The following DIDO1 variants were observed in gnomAD, a reference collection of about 807,000 sequenced individuals.
The protein encoded by DIDO1 is death inducer-obliterator 1, also known as death-inducer obliterator 1.
DIDO1 carries 16 observed loss-of-function variants against 99.4 expected under a neutral mutation model. The observed-to-expected ratio is 0.16, with a 90% CI of 0.11 to 0.24. DIDO1 has a LOEUF of 0.24. Among genes scored for constraint, DIDO1 ranks in the 10% least tolerant of loss-of-function variants. The probability of loss-of-function intolerance (pLI) is 1.00; values close to 1 mark genes in which losing one functional copy is unlikely to be tolerated. For synonymous variants in DIDO1, 1,366 were observed against 1,239.1 expected, an observed-to-expected ratio of 1.10 and a Z score of -2.15; for missense variants, 2,996 against 3,014.0, an observed-to-expected ratio of 0.99 and a Z score of 0.14.
chr20:62,905,780 A>G, intron 6 of DIDO1, 107 bp downstream of exon 6: 1 of 1,611,108 alleles, frequency 6.2e-7, no homozygotes, highest in Non-Finnish European at 8.5e-7. Flanking sequence ...GGTGTCTGTG[A>G]TCAGCTTAAC....
chr20:62,890,721 T>C, intron 15 of DIDO1: 1 of 1,373,386 alleles, frequency 7.3e-7, no homozygotes, highest in Non-Finnish European at 9.4e-7. Context: ...TTGCAGGCTG[T>C]GGGTTTTTCC....
intron 6 of DIDO1, among the ~76,000 whole-genome samples, chr20:62,904,046 T>A (rs1030976921): frequency 6.6e-6 from 1 of 152,204 alleles, no homozygotes; most frequent in African/African-American, 2.4e-5. Flanking sequence ...CAACTCCACA[T>A]GTGGAGTCTC....
At chr20:62,887,544 CTG>C in intron 15 of DIDO1, 1 of 985,464 alleles carries the variant, frequency 1.0e-6, no homozygotes, top group Non-Finnish European at 1.2e-6. Context: ...GGAGAACAGA[CTG>C]TGCACCCATG....
intron 6 of DIDO1, chr20:62,904,950 T>C (rs2064768888): frequency 2.1e-6 from 2 of 972,586 alleles, no homozygotes; most frequent in South Asian, 9.5e-5. Context: ...TATTTAACCT[T>C]TCGGTGCTTT....
intron 3 of DIDO1, among the ~76,000 whole-genome samples, chr20:62,910,467 C>T (rs1298589086): frequency 1.3e-5 from 2 of 152,116 alleles, no homozygotes; most frequent in South Asian, 2.1e-4. Flanking sequence ...CCCGGAGTGA[C>T]GGACACATTC....
In DIDO1 at chr20:62,880,472, G is replaced by A. The variant is rs1216814059; in HGVS notation, c.5484C>T (p.Pro1828=). Residue 1828 remains proline (P), a synonymous_variant, in exon 16 of 16, where the codon CCC becomes CCT. Transcript: ENST00000395343. The stretch of plus-strand genomic sequence containing the variant: ...CTCCTCGTGGTCCACCAAGGTAAGA[G>A]GGTGAGGGGCCTCTGCTGTCCCCAT... The part of the protein sequence containing the change: ...PPYGDSRGPS[P]SYLGGPRGVA... 6.2e-7 allele frequency: 1 copy of A among 1,612,966 alleles called. No individual in the cohort carries two copies. Among genetic ancestry groups the A allele is most frequent in the African/African-American group, 1.3e-5 (1 of 75,076 alleles).
chr20:62,904,262 G>A (rs1488306838), intron 6 of DIDO1, among the ~76,000 whole-genome samples: 1 of 152,130 alleles, frequency 6.6e-6, no homozygotes, highest in Non-Finnish European at 1.5e-5. Context: ...CATTAGCTCT[G>A]TAGAACTGCT....
intron 15 of DIDO1, chr20:62,889,044 G>A (rs772828010): frequency 9.1e-6 from 9 of 985,372 alleles, no homozygotes; most frequent in Middle Eastern, 5.2e-4. Flanking sequence ...CCCGTCAGGC[G>A]GCGTCGTGGC....
intron 1 of DIDO1, among the ~76,000 whole-genome samples, chr20:62,935,519 G>C (rs2065373474): frequency 6.6e-6 from 1 of 152,160 alleles, no homozygotes; most frequent in South Asian, 2.1e-4. Flanking sequence ...CTTTGTTAGG[G>C]AAGACTTCCC....
At chr20:62,916,705 T>G (rs2065044581) in intron 1 of DIDO1, among the ~76,000 whole-genome samples, 1 of 152,188 alleles carries the variant, frequency 6.6e-6, no homozygotes, top group East Asian at 1.9e-4. Context: ...ATAGAGTGTT[T>G]CAGCTAAAAC....
intron 6 of DIDO1, 57 bp from the exon 7 acceptor site, chr20:62,897,053 T>C: frequency 6.7e-7 from 1 of 1,499,584 alleles, no homozygotes; most frequent in South Asian, 1.3e-5. Context: ...TGCTGTCACC[T>C]GACTCTAAAA....
intron 15 of DIDO1, chr20:62,887,122 T>C: frequency 2.0e-6 from 2 of 985,500 alleles, no homozygotes; most frequent in Non-Finnish European, 1.2e-6. Context: ...CACACTAGGG[T>C]GCACTGCGCT....
intron 15 of DIDO1, 87 bp from the exon 16 acceptor site, chr20:62,882,501 G>T (rs2064226213): frequency 1.5e-6 from 2 of 1,302,874 alleles, no homozygotes; most frequent in Non-Finnish European, 2.1e-6. Context: ...GCTTTCACGG[G>T]GAACGTTTAA....
At chr20:62,901,486 A>T (rs2147448210) in intron 6 of DIDO1, among the ~76,000 whole-genome samples, 1 of 152,326 alleles carries the variant, frequency 6.6e-6, no homozygotes, top group Non-Finnish European at 1.5e-5. Context: ...CTCCCACACG[A>T]GTAATTTAAC....
chr20:62,932,725 A>G (rs2065343715), intron 1 of DIDO1, among the ~76,000 whole-genome samples: 1 of 152,246 alleles, frequency 6.6e-6, no homozygotes, highest in African/African-American at 2.4e-5. Flanking sequence ...ATAAAAATAA[A>G]AATCAAGAAA....
chr20:62,902,338 C>A (rs935850123), intron 6 of DIDO1, among the ~76,000 whole-genome samples: 6 of 152,160 alleles, frequency 3.9e-5, no homozygotes, highest in Non-Finnish European at 7.4e-5. Context: ...CGTAAAAAAA[C>A]AACTATCAAG....
Position 62,911,588 on chromosome 20 carries a change from T to G in DIDO1, c.25A>C (p.Asn9His). 2.5e-6 allele frequency: 4 copies of G among 1,590,976 alleles called. No individual in the cohort carries two copies. Among genetic ancestry groups the G allele is most frequent in the Non-Finnish European group, 2.6e-6 (3 of 1,166,728 alleles). The change falls in exon 3 of 16, where the codon AAT (asparagine) becomes CAT (histidine). Residue 9 changes from asparagine to histidine, a missense_variant. Physicochemically the swap from Asn to His is moderately conservative, Grantham distance 68. Transcript: ENST00000395343. This position sits in a 1 kb window ranked among gnomAD's most constrained non-coding sequence, Gnocchi z 7.0. Reference sequence around the variant, plus strand: ...TTGATGGCCTTAGGTGCCTCCTCATTGCTCGGGTCGCCTTTGTCGTCCATA... The same window carrying G: ...TTGATGGCCTTAGGTGCCTCCTCATGGCTCGGGTCGCCTTTGTCGTCCATA... MDDKGDPS[N>H]EEAPKAIKPT...
intron 1 of DIDO1, among the ~76,000 whole-genome samples, chr20:62,915,229 G>C (rs997951864): frequency 2.0e-5 from 3 of 152,162 alleles, no homozygotes; most frequent in Non-Finnish European, 4.4e-5. Context: ...GATCCCAGCT[G>C]CTTGGGAGGA....
intron 6 of DIDO1, among the ~76,000 whole-genome samples, chr20:62,901,744 GT>G (rs2064686879): frequency 1.4e-5 from 2 of 147,654 alleles, no homozygotes; most frequent in South Asian, 4.3e-4. Flanking sequence ...AAAAATTCTT[GT>G]CAATATTCTA....
Sources: gnomAD v4.1 joint callset for allele counts (sites outside exome capture counted in the v4.1 genomes callset) on GRCh38, gnomAD v4.1.1 for gene constraint, Gnocchi (gnomAD v3.1) non-coding constraint, MANE v1.5 for transcripts, NCBI Gene and HGNC (gene_info 2026-07-23, HGNC 2026-07-21) for gene names.